Variants in LGR6 observed in about 807,000 individuals in gnomAD.
LGR6 encodes leucine rich repeat containing G protein-coupled receptor 6, also known as leucine-rich repeat-containing G protein-coupled receptor 6.
Under a neutral mutation model 69.4 loss-of-function variants are expected in LGR6, and 45 were observed. The ratio of observed to expected loss-of-function variants is 0.65; its 90% CI spans 0.51 to 0.83. The LOEUF is 0.83. Ranked by LOEUF, LGR6 falls within the 40% of genes least tolerant of loss-of-function variation. The pLI is 0.00. For missense variants in LGR6, 1,108 were observed against 1,246.7 expected (o/e 0.89, Z 1.68); for synonymous variants, 538 against 555.0 (o/e 0.97, Z 0.43).
intron 4 of LGR6, among the ~76,000 whole-genome samples, chr1:202,271,799 A>ACTCTGT (rs1363022328): frequency 7.9e-6 from 1 of 126,728 alleles, no homozygotes; most frequent in Admixed American, 9.6e-5. Context: ...TAAGAGTGAA[A>ACTCTGT]CTCTGTCTCA....
intron 1 of LGR6, among the ~76,000 whole-genome samples, chr1:202,205,434 C>G (rs1659154976): frequency 1.3e-5 from 2 of 152,184 alleles, no homozygotes; most frequent in African/African-American, 4.8e-5. Context: ...ACCTAACACA[C>G]ACCTCCTTCA....
At chr1:202,217,404 A>G (rs1300581324) in intron 1 of LGR6, among the ~76,000 whole-genome samples, 1 of 152,168 alleles carries the variant, frequency 6.6e-6, no homozygotes, top group Non-Finnish European at 1.5e-5. Flanking sequence ...TGCAGTGGAC[A>G]GTCTCTGACT....
chr1:202,308,254 A>ACCTC (rs1653424120), intron 14 of LGR6, among the ~76,000 whole-genome samples: 1 of 152,096 alleles, frequency 6.6e-6, no homozygotes, highest in Admixed American at 6.6e-5. Flanking sequence ...CAAAACTCTC[A>ACCTC]CCTCCGTCTT....
intron 3 of LGR6, among the ~76,000 whole-genome samples, chr1:202,235,391 C>A (rs892619794): frequency 1.3e-5 from 2 of 152,168 alleles, no homozygotes; most frequent in Non-Finnish European, 2.9e-5. Flanking sequence ...AGTGCAGATA[C>A]ACTCCTCTGG....
intron 1 of LGR6, among the ~76,000 whole-genome samples, chr1:202,212,548 C>T (rs1659502785): frequency 6.6e-6 from 1 of 152,198 alleles, no homozygotes; most frequent in South Asian, 2.1e-4. Context: ...GAACCCACTG[C>T]GTGCCTCTTC....
In LGR6 at chr1:202,194,062, G is replaced by T. The variant is rs1415172675; in HGVS notation, c.73G>T (p.Ala25Ser). 2.9e-6 allele frequency: 4 copies of T among 1,401,484 alleles called. No individual in the cohort carries two copies. Among genetic ancestry groups the T allele is most frequent in the African/African-American group, 1.5e-5 (1 of 66,592 alleles). The allele number at this position is 1,401,484 out of a possible 1,614,324, so 86.8% of individuals were successfully genotyped here. A position where few individuals can be genotyped will look rare whatever the true frequency, so the allele number is the denominator to read the frequency against. The change falls in exon 1 of 18, where the codon GCC becomes TCC. Residue 25 changes from alanine to serine, a missense_variant. Coordinates refer to ENST00000367278, the MANE Select transcript of LGR6 (RefSeq NM_001017403.2). ...ALCASRRAGGAPQPGPGPTAC... is the reference protein window; with the variant it reads ...ALCASRRAGGSPQPGPGPTAC... ...GTGCGCTTCCCGGAGGGCCGGCGGC[G>T]CCCCCCAGCCCGGCCCGGGGCCCAC...
intron 12 of LGR6, 152 bp downstream of exon 12, chr1:202,305,901 G>T: frequency 1.4e-6 from 1 of 706,312 alleles, no homozygotes. Flanking sequence ...CAGAGTTTAG[G>T]GCTGAGAGCT....
chr1:202,294,969 A>C (rs549935499), intron 6 of LGR6, among the ~76,000 whole-genome samples: 88 of 152,306 alleles, frequency 5.8e-4, no homozygotes, highest in Non-Finnish European at 1.1e-3. Context: ...GGCCTATGGA[A>C]TAGCAAGCAA....
intron 9 of LGR6, among the ~76,000 whole-genome samples, chr1:202,301,542 T>C (rs566393483): frequency 6.6e-6 from 1 of 152,338 alleles, no homozygotes; most frequent in East Asian, 1.9e-4. Context: ...TCACGGTAGC[T>C]TTTCCAGAAA....
In LGR6 at chr1:202,256,657, G is replaced by A. The variant is rs542950900; in HGVS notation, c.429-19649G>A. The stretch of plus-strand genomic sequence containing the variant: ...GCTGTTTCCACGTTTTGGTTATTAT[G>A]AATAATGCTGCTAAAAACATTTGTG... On this transcript the variant is annotated intron_variant, in intron 4 of 17. Coordinates refer to ENST00000367278, the MANE Select transcript of LGR6 (RefSeq NM_001017403.2). Among the ~76,000 whole-genome samples the A allele has an allele frequency of 2.0e-5, 3 of 152,254 alleles. No homozygotes were observed. In the South Asian group the frequency reaches 6.2e-4, roughly 32 times the overall value.
chr1:202,214,378 G>C (rs984336173), intron 1 of LGR6: 1 of 879,144 alleles, frequency 1.1e-6, no homozygotes, highest in Non-Finnish European at 1.6e-6. Flanking sequence ...TCTGGGAGCC[G>C]AGGCCGCCTC....
chr1:202,280,535 C>T (rs1350023355), intron 5 of LGR6, among the ~76,000 whole-genome samples: 1 of 152,128 alleles, frequency 6.6e-6, no homozygotes, highest in African/African-American at 2.4e-5. Context: ...CTGAGGCTCT[C>T]CTCTCCCTTT....
intron 4 of LGR6, among the ~76,000 whole-genome samples, chr1:202,256,812 G>A (rs1252356143): frequency 6.6e-6 from 1 of 152,166 alleles, no homozygotes; most frequent in East Asian, 1.9e-4. Context: ...CAAAGTGACT[G>A]CACCATTTTA....
chr1:202,215,300 C>T (rs1659703165), intron 1 of LGR6, among the ~76,000 whole-genome samples: 2 of 152,208 alleles, frequency 1.3e-5, no homozygotes, highest in East Asian at 1.9e-4. Context: ...CTAGTTCTTC[C>T]CACCTGCATC....
chr1:202,245,173 G>T lies in LGR6; in HGVS notation c.428+9180G>T, dbSNP rs562015941. On this transcript the variant is annotated intron_variant, in intron 4 of 17. Transcript: ENST00000367278. ...AGCCGAGGGGTCCCCAGGGACGCAC[G>T]AGGTGGCAGATGGCCTCCCTGGCAT... is the stretch of plus-strand genomic sequence containing the variant. 3.7e-4 allele frequency among the ~76,000 whole-genome samples: 56 copies of T among 152,346 alleles called. 1 individual carries two copies. The South Asian group carries it at 0.012, about 32-fold the overall frequency.
At chr1:202,255,467 GCTCCTCGTCT>G (rs1477585743) in intron 4 of LGR6, among the ~76,000 whole-genome samples, 4 of 152,162 alleles carry the variant, frequency 2.6e-5, no homozygotes, top group Non-Finnish European at 5.9e-5. Flanking sequence ...TCCACTGCCT[GCTCCTCGTCT>G]CTCCCTCCCC....
chr1:202,303,164 C>T, intron 9 of LGR6, 115 bp from the exon 10 acceptor site: 1 of 795,028 alleles, frequency 1.3e-6, no homozygotes, highest in Admixed American at 1.8e-5. Flanking sequence ...TGCAGGGAAG[C>T]ATGACATTGC....
At chr1:202,206,926 TTTATTTA>T (rs1474209131) in intron 1 of LGR6, among the ~76,000 whole-genome samples, 1 of 125,138 alleles carries the variant, frequency 8.0e-6, no homozygotes, top group African/African-American at 2.9e-5. Context: ...TATTTATTTA[TTTATTTA>T]TTGAGACAGA....
In LGR6 at chr1:202,301,237, TAA is replaced by T. The variant is rs1237687816; in HGVS notation, c.929+3_929+4del. On this transcript the variant is annotated splice_donor_region_variant and intron_variant, in intron 9 of 17. Transcript: ENST00000367278. ...GTACCTGCCTAAACTCCACACACTG[TAA>T]GTTGGCTCCTGAAGGCTGCTGCAGC... The T allele has an allele frequency of 6.2e-7, 1 of 1,613,784 alleles. No individual in the cohort carries two copies. Among genetic ancestry groups the T allele is most frequent in the Admixed American group, 1.7e-5 (1 of 60,028 alleles).
Sources: allele counts gnomAD v4.1 joint callset (sites outside exome capture counted in the v4.1 genomes callset), GRCh38; gene constraint gnomAD v4.1.1; transcripts MANE v1.5; gene names NCBI Gene and HGNC (gene_info 2026-07-23, HGNC 2026-07-21).